Variants in XKR6 observed in about 807,000 individuals in gnomAD.
XKR6 encodes the protein XK-related protein 6.
XKR6 carries 22 observed loss-of-function variants against 56.7 expected under a neutral mutation model. The observed-to-expected ratio is 0.39, with a 90% CI of 0.28 to 0.55. The LOEUF (loss-of-function observed/expected upper bound fraction) is 0.55, where lower values mean the gene tolerates loss of function less well. XKR6 is among the 20% of genes least tolerant of loss of function. The probability of loss-of-function intolerance (pLI) is 0.66; values close to 1 mark genes in which losing one functional copy is unlikely to be tolerated. For missense variants in XKR6, 852 were observed against 889.0 expected (o/e 0.96, Z 0.53); for synonymous variants, 524 against 387.8 (o/e 1.35, Z -4.13).
At chr8:11,133,239 C>T (rs963883459) in intron 1 of XKR6, among the ~76,000 whole-genome samples, 7 of 152,088 alleles carry the variant, frequency 4.6e-5, no homozygotes, top group African/African-American at 1.7e-4. Flanking sequence ...CTGTTTGTAA[C>T]CAGCTAGAAT....
At chr8:11,101,390 C>G (rs1189041419) in intron 1 of XKR6, among the ~76,000 whole-genome samples, 3 of 152,176 alleles carry the variant, frequency 2.0e-5, no homozygotes, top group African/African-American at 7.2e-5. Flanking sequence ...ACAAAGGAAT[C>G]TGAAATGACA....
chr8:10,992,258 C>G (rs1269903367), intron 1 of XKR6, among the ~76,000 whole-genome samples: 1 of 147,594 alleles, frequency 6.8e-6, no homozygotes, highest in African/African-American at 2.7e-5. Flanking sequence ...CTAACTCTCT[C>G]TCTCTGTCTC....
At chr8:11,082,284 T>C (rs1797750761) in intron 1 of XKR6, among the ~76,000 whole-genome samples, 1 of 152,198 alleles carries the variant, frequency 6.6e-6, no homozygotes. Context: ...TCTCCCAAAG[T>C]CTACGTGGGG....
At chr8:11,182,003 T>G (rs1803011605) in intron 1 of XKR6, among the ~76,000 whole-genome samples, 1 of 152,230 alleles carries the variant, frequency 6.6e-6, no homozygotes, top group South Asian at 2.1e-4. Flanking sequence ...CAGGCTGGTC[T>G]TGAACTCCCA....
chr8:11,159,845 T>A (rs1801705424), intron 1 of XKR6, among the ~76,000 whole-genome samples: 1 of 152,208 alleles, frequency 6.6e-6, no homozygotes, highest in African/African-American at 2.4e-5. Context: ...AGGTACCTTA[T>A]CTCTTCTGGC....
chr8:11,045,339 T>G (rs1799384020), intron 1 of XKR6, among the ~76,000 whole-genome samples: 1 of 151,840 alleles, frequency 6.6e-6, no homozygotes, highest in South Asian at 2.1e-4. Context: ...CTACCCATCT[T>G]GGCCTCCCAG....
chr8:11,060,484 G>A (rs1799803181), intron 1 of XKR6, among the ~76,000 whole-genome samples: 2 of 152,234 alleles, frequency 1.3e-5, no homozygotes, highest in Admixed American at 6.5e-5. Flanking sequence ...ACTCCCAGGG[G>A]GACAGTTGTG....
At chr8:11,068,965 T>TG (rs969891617) in intron 1 of XKR6, among the ~76,000 whole-genome samples, 2 of 152,226 alleles carry the variant, frequency 1.3e-5, no homozygotes, top group Non-Finnish European at 2.9e-5. Context: ...TCCTTTTCAA[T>TG]GGGGCACTTC....
intron 1 of XKR6, among the ~76,000 whole-genome samples, chr8:11,090,697 T>A (rs1199854885): frequency 1.3e-5 from 2 of 152,206 alleles, no homozygotes; most frequent in Non-Finnish European, 2.9e-5. Flanking sequence ...AAAGTGCCTG[T>A]TCATATTTTT....
chr8:11,178,085 G>A (rs1387152695), intron 1 of XKR6, among the ~76,000 whole-genome samples: 1 of 152,170 alleles, frequency 6.6e-6, no homozygotes. Flanking sequence ...CCGGGTAGGA[G>A]CCGGGCCTTC....
chr8:10,931,534 A>G (rs1413746393), intron 1 of XKR6, among the ~76,000 whole-genome samples: 2 of 152,206 alleles, frequency 1.3e-5, no homozygotes, highest in Non-Finnish European at 2.9e-5. Context: ...GCTACAGCAC[A>G]GTGTAGCATT....
chr8:11,100,877 C>T (rs1586544956), intron 1 of XKR6, among the ~76,000 whole-genome samples: 1 of 152,166 alleles, frequency 6.6e-6, no homozygotes, highest in East Asian at 1.9e-4. Flanking sequence ...TGAAAGGTGG[C>T]CGCAAATGTG....
intron 1 of XKR6, among the ~76,000 whole-genome samples, chr8:11,094,444 C>T (rs1233996066): frequency 6.6e-6 from 1 of 152,166 alleles, no homozygotes; most frequent in Non-Finnish European, 1.5e-5. Context: ...CCCCCTTCAA[C>T]CTCCCAAAGT....
At chr8:11,170,039 C>A (rs1365099985) in intron 1 of XKR6, among the ~76,000 whole-genome samples, 1 of 152,108 alleles carries the variant, frequency 6.6e-6, no homozygotes, top group Non-Finnish European at 1.5e-5. Context: ...CTAGCTGGAT[C>A]TGACGTTAGA....
chr8:10,924,602 G>T, intron 2 of XKR6, 32 bp downstream of exon 2: 1 of 1,582,744 alleles, frequency 6.3e-7, no homozygotes, highest in Non-Finnish European at 8.6e-7. Context: ...AGGGCAGGCC[G>T]GGGTGGCGGG....
At chr8:11,165,884 G>C (rs990491687) in intron 1 of XKR6, among the ~76,000 whole-genome samples, 1 of 151,370 alleles carries the variant, frequency 6.6e-6, no homozygotes, top group Non-Finnish European at 1.5e-5. Context: ...GGAACCATAA[G>C]TTCTGAAAAA....
At chr8:11,155,384 T>C (rs1286388974) in intron 1 of XKR6, among the ~76,000 whole-genome samples, 1 of 152,224 alleles carries the variant, frequency 6.6e-6, no homozygotes, top group Non-Finnish European at 1.5e-5. Context: ...AAAGACTTTA[T>C]AATGTGAATA....
intron 1 of XKR6, among the ~76,000 whole-genome samples, chr8:10,968,636 C>G (rs977140411): frequency 1.3e-5 from 2 of 152,256 alleles, no homozygotes; most frequent in African/African-American, 4.8e-5. Context: ...TTACCTTCTC[C>G]CCAGTTGTCA....
At chr8:11,174,623 A>C (rs893982397) in intron 1 of XKR6, among the ~76,000 whole-genome samples, 1 of 152,224 alleles carries the variant, frequency 6.6e-6, no homozygotes, top group African/African-American at 2.4e-5. Context: ...CTGTGAGGCA[A>C]GGAACAAAGC....
Sources: gnomAD v4.1 joint callset for allele counts (sites outside exome capture counted in the v4.1 genomes callset) on GRCh38, gnomAD v4.1.1 for gene constraint, MANE v1.5 for transcripts, NCBI Gene and HGNC (gene_info 2026-07-23, HGNC 2026-07-21) for gene names.